The following SLIT3 variants were observed in gnomAD, a reference collection of about 807,000 sequenced individuals.
The protein encoded by SLIT3 is slit homolog 3 protein.
In SLIT3, 68 loss-of-function variants were observed where a neutral mutation model predicts 184.0. That is an observed-to-expected ratio of 0.37 (90% CI 0.30 to 0.45). The LOEUF is 0.45. Ranked by LOEUF, SLIT3 falls within the 20% of genes least tolerant of loss-of-function variation. The probability of loss-of-function intolerance (pLI) is 1.00; values close to 1 mark genes in which losing one functional copy is unlikely to be tolerated. For missense variants in SLIT3, 1,707 were observed against 2,026.0 expected, an observed-to-expected ratio of 0.84 and a Z score of 3.02; for synonymous variants, 831 against 828.6, an observed-to-expected ratio of 1.00 and a Z score of -0.05.
chr5:168,863,521 A>G (rs1561974865), intron 5 of SLIT3, among the ~76,000 whole-genome samples: 1 of 152,220 alleles, frequency 6.6e-6, no homozygotes, highest in Non-Finnish European at 1.5e-5. Flanking sequence ...TGACAGCCAC[A>G]GCCATGGGTC....
intron 1 of SLIT3, among the ~76,000 whole-genome samples, chr5:169,257,490 C>G (rs893673648): frequency 4.8e-5 from 7 of 146,266 alleles, no homozygotes; most frequent in Admixed American, 1.4e-4. Flanking sequence ...GCAGTCTACG[C>G]TGACAAATAA....
chr5:168,777,093 ACACACACACACACC>A (rs374622550), intron 12 of SLIT3, among the ~76,000 whole-genome samples: 14,222 of 111,982 alleles, frequency 0.13, 2,246 homozygotes, highest in African/African-American at 0.4. Context: ...ACACACACAC[ACACACACACACACC>A]CCCCATACCA....
intron 4 of SLIT3, among the ~76,000 whole-genome samples, chr5:169,188,886 T>C (rs1476767334): frequency 6.6e-6 from 1 of 152,148 alleles, no homozygotes; most frequent in African/African-American, 2.4e-5. Flanking sequence ...GGGCAGCCCC[T>C]TAACCCTTTC....
At chr5:169,252,593 T>C (rs75473495) in intron 1 of SLIT3, among the ~76,000 whole-genome samples, 2,464 of 152,320 alleles carry the variant, frequency 0.016, 28 homozygotes, top group Admixed American at 0.028. Flanking sequence ...GCTGAATAAT[T>C]GATCCCTACA....
At chr5:169,135,288 C>T (rs111400186) in intron 4 of SLIT3, among the ~76,000 whole-genome samples, 50,579 of 151,864 alleles carry the variant, frequency 0.33, 8,835 homozygotes, top group Middle Eastern at 0.46. Context: ...ATTTTTGTAT[C>T]TTTAGTAGAG....
rs1423399040 is a variant in SLIT3 at position 169,134,656 on chromosome 5, G to T, written c.413+58823C>A. Among the ~76,000 whole-genome samples the T allele has an allele frequency of 2.0e-5, 3 of 152,296 alleles. No individual in the cohort carries two copies. In the South Asian group the frequency reaches 6.2e-4, roughly 32 times the overall value. ...AGGAGAAATACCTAATGAAAATGTC[G>T]AGTTGATGGGTGCAGCAAACCAACA... On this transcript the variant is annotated intron_variant, in intron 4 of 35. Transcript: ENST00000519560.
intron 1 of SLIT3, among the ~76,000 whole-genome samples, chr5:169,293,352 C>T (rs1274543454): frequency 6.6e-6 from 1 of 152,002 alleles, no homozygotes; most frequent in Non-Finnish European, 1.5e-5. Context: ...GCAAAGGAGG[C>T]TAACTGACCA....
chr5:169,156,689 T>C (rs983446260), intron 4 of SLIT3, among the ~76,000 whole-genome samples: 1 of 152,244 alleles, frequency 6.6e-6, no homozygotes, highest in African/African-American at 2.4e-5. Flanking sequence ...GTGGCTCAAG[T>C]CGCTCTGTCA....
chr5:168,874,142 A>G (rs1759643496), intron 5 of SLIT3, among the ~76,000 whole-genome samples: 1 of 150,252 alleles, frequency 6.7e-6, no homozygotes, highest in Non-Finnish European at 1.5e-5. Flanking sequence ...TTTAGTGCTC[A>G]AAGGGGTTAA....
At chr5:169,166,479 C>T (rs1051021789) in intron 4 of SLIT3, among the ~76,000 whole-genome samples, 6 of 152,108 alleles carry the variant, frequency 3.9e-5, no homozygotes, top group African/African-American at 1.2e-4. Flanking sequence ...TCTCGGTCTG[C>T]ATGCTAGTGA....
chr5:169,259,634 A>G (rs546542119), intron 1 of SLIT3, among the ~76,000 whole-genome samples: 1 of 152,300 alleles, frequency 6.6e-6, no homozygotes, highest in East Asian at 1.9e-4. Context: ...TGTAGGGGCT[A>G]CCATACAATG....
chr5:169,173,445 T>C (rs933160585), intron 4 of SLIT3, among the ~76,000 whole-genome samples: 1 of 152,096 alleles, frequency 6.6e-6, no homozygotes, highest in Non-Finnish European at 1.5e-5. Flanking sequence ...AAATCTAGAA[T>C]TCCATCGAGT....
intron 15 of SLIT3, among the ~76,000 whole-genome samples, chr5:168,761,696 T>C (rs566935000): frequency 2.6e-5 from 4 of 152,078 alleles, no homozygotes; most frequent in Non-Finnish European, 5.9e-5. Context: ...GCTGTGCCTT[T>C]GTCCTCCACG....
At chr5:169,199,806 C>T (rs1415727121) in intron 3 of SLIT3, among the ~76,000 whole-genome samples, 1 of 152,168 alleles carries the variant, frequency 6.6e-6, no homozygotes, top group Non-Finnish European at 1.5e-5. Context: ...TATAAACTGT[C>T]TTATCATCTA....
intron 17 of SLIT3, 145 bp downstream of exon 17, chr5:168,753,719 T>C: frequency 1.1e-6 from 1 of 929,086 alleles, no homozygotes; most frequent in South Asian, 1.7e-5. Context: ...CTCCAGAATG[T>C]CTGATGACTC....
chr5:168,891,756 A>G (rs1009636453), intron 4 of SLIT3, among the ~76,000 whole-genome samples: 3 of 152,168 alleles, frequency 2.0e-5, no homozygotes, highest in African/African-American at 7.2e-5. Flanking sequence ...AGTTGAGATT[A>G]TAGGTTTGCT....
intron 11 of SLIT3, among the ~76,000 whole-genome samples, chr5:168,788,606 G>T (rs538880225): frequency 6.6e-6 from 1 of 150,564 alleles, no homozygotes; most frequent in African/African-American, 2.5e-5. Flanking sequence ...ATTTTTTTTT[G>T]ACATACTAAC....
At chr5:169,029,392 G>A (rs1756944808) in intron 4 of SLIT3, among the ~76,000 whole-genome samples, 1 of 152,222 alleles carries the variant, frequency 6.6e-6, no homozygotes, top group African/African-American at 2.4e-5. Context: ...GGGGGAACTT[G>A]TTAGAAATGC....
chr5:168,995,944 T>A (rs1288628527), intron 4 of SLIT3, among the ~76,000 whole-genome samples: 1 of 152,194 alleles, frequency 6.6e-6, no homozygotes, highest in Non-Finnish European at 1.5e-5. Flanking sequence ...CTGGTATTCT[T>A]TCTGGTTCCT....
Sources: gnomAD v4.1 joint callset for allele counts (sites outside exome capture counted in the v4.1 genomes callset) on GRCh38, gnomAD v4.1.1 for gene constraint, MANE v1.5 for transcripts, NCBI Gene and HGNC (gene_info 2026-07-23, HGNC 2026-07-21) for gene names.